The following TBC1D32 variants were observed in gnomAD, a reference collection of about 807,000 sequenced individuals.
TBC1D32 encodes the protein TBC1 domain family member 32, also known as protein broad-minded.
Under a neutral mutation model 170.3 loss-of-function variants are expected in TBC1D32, and 151 were observed. That is an observed-to-expected ratio of 0.89 (90% CI 0.78 to 1.01). The LOEUF (loss-of-function observed/expected upper bound fraction) is 1.01. Ranked by LOEUF, TBC1D32 falls within the 50% of genes least tolerant of loss-of-function variation. The probability of loss-of-function intolerance (pLI) is 0.00; values close to 1 mark genes in which losing one functional copy is unlikely to be tolerated. For synonymous variants in TBC1D32, 498 were observed against 488.0 expected (o/e 1.02, Z -0.27); for missense variants, 1,464 against 1,457.1 (o/e 1.00, Z -0.08).
chr6:121,244,373 A>G (rs1797353275), intron 17 of TBC1D32, among the ~76,000 whole-genome samples: 1 of 152,168 alleles, frequency 6.6e-6, no homozygotes, highest in Non-Finnish European at 1.5e-5. Context: ...AAGTTGTATC[A>G]TTATATGACG....
At chr6:121,265,481 C>T (rs552114528) in intron 15 of TBC1D32, among the ~76,000 whole-genome samples, 4 of 152,106 alleles carry the variant, frequency 2.6e-5, no homozygotes, top group African/African-American at 9.6e-5. Flanking sequence ...AATGGCCATA[C>T]TGCCCAAAGT....
Position 121,205,151 on chromosome 6 carries a change from T to C in TBC1D32, c.2494A>G (p.Arg832Gly), listed in dbSNP as rs763727966. 1 of 1,448,080 alleles carries C rather than the reference T, an allele frequency of 6.9e-7. No individual in the cohort carries two copies. Among genetic ancestry groups the C allele is most frequent in the South Asian group, 1.3e-5 (1 of 77,208 alleles). The allele number at this position is 1,448,080 out of a possible 1,614,324, so 89.7% of individuals were successfully genotyped here. Residue 832 changes from arginine (R) to glycine (G), a missense_variant, in exon 22 of 32, where the codon AGA becomes GGA. Coordinates refer to ENST00000398212, the MANE Select transcript of TBC1D32 (RefSeq NM_152730.6). ...GCTTCAGAATTCAAAATTATAAGTC[T>C]ATCAATAATATCCTGAAAAAGACAG... The part of the protein sequence containing the change: ...VPTCVIDIID[R>G]LIILNSEAKI...
chr6:121,136,087 A>T (rs1782041892), intron 24 of TBC1D32, among the ~76,000 whole-genome samples: 1 of 152,198 alleles, frequency 6.6e-6, no homozygotes, highest in Non-Finnish European at 1.5e-5. Context: ...CAGATACATC[A>T]ATTAACAGAT....
intron 24 of TBC1D32, among the ~76,000 whole-genome samples, chr6:121,137,714 A>G (rs978233787): frequency 2.0e-5 from 3 of 152,024 alleles, no homozygotes; most frequent in Admixed American, 2.0e-4. Flanking sequence ...AAAATGTAAG[A>G]TTATTATAGA....
At chr6:121,309,585 T>G (rs1263272804) in intron 4 of TBC1D32, among the ~76,000 whole-genome samples, 1 of 152,046 alleles carries the variant, frequency 6.6e-6, no homozygotes, top group Admixed American at 6.6e-5. Flanking sequence ...TACCAATACA[T>G]AAAAAGGCTT....
chr6:121,189,629 T>C (rs1403205422), intron 22 of TBC1D32, among the ~76,000 whole-genome samples: 1 of 152,028 alleles, frequency 6.6e-6, no homozygotes, highest in African/African-American at 2.4e-5. Context: ...GACATCTAAT[T>C]TATCATCATA....
At chr6:121,109,612 T>C (rs1779014311) in intron 29 of TBC1D32, among the ~76,000 whole-genome samples, 1 of 152,134 alleles carries the variant, frequency 6.6e-6, no homozygotes, top group Admixed American at 6.5e-5. Flanking sequence ...TCAAACTCCA[T>C]AAAGAATAAC....
intron 22 of TBC1D32, among the ~76,000 whole-genome samples, chr6:121,178,154 G>A (rs139742569): frequency 6.6e-6 from 1 of 152,246 alleles, no homozygotes; most frequent in Non-Finnish European, 1.5e-5. Context: ...CAGTATGGGG[G>A]AAACTGCGCC....
chr6:121,268,933 C>T (rs57097307), intron 15 of TBC1D32, among the ~76,000 whole-genome samples: 5 of 152,266 alleles, frequency 3.3e-5, no homozygotes, highest in African/African-American at 1.2e-4. Flanking sequence ...ACTCTGCAAG[C>T]CAGAAGAGAG....
At chr6:121,334,036 C>T (rs568820624) in intron 1 of TBC1D32, among the ~76,000 whole-genome samples, 19 of 152,182 alleles carry the variant, frequency 1.2e-4, no homozygotes, top group African/African-American at 4.6e-4. Flanking sequence ...CATTACATTC[C>T]GGCCTGGGCG....
In TBC1D32 at chr6:121,113,168, T is replaced by A; in HGVS notation, c.3063A>T (p.Lys1021Asn). 6.2e-7 allele frequency: 1 copy of A among 1,606,186 alleles called. No individual in the cohort carries two copies. The highest frequency in any genetic ancestry group is 8.5e-7 in the Non-Finnish European group (1 of 1,176,966). Residue 1021 changes from lysine to asparagine, a missense_variant, in exon 28 of 32, where the codon AAA (lysine) becomes AAT (asparagine). This residue lies in a region of TBC1D32 where 1,363 missense variants were observed against 1,338.1 expected (regional missense o/e 1.02). Transcript: ENST00000398212. ...LGIKMTVRYG[K>N]FLSLLKDGAE... Reference sequence around the variant, plus strand: ...CACCATCTTTTAAGAGACTGAGGAATTTGCCATACCTATATTAAAAGCCCA... The same window carrying A: ...CACCATCTTTTAAGAGACTGAGGAAATTGCCATACCTATATTAAAAGCCCA...
chr6:121,295,932 C>T (rs975179936), intron 10 of TBC1D32, among the ~76,000 whole-genome samples: 3 of 152,092 alleles, frequency 2.0e-5, no homozygotes, highest in African/African-American at 7.2e-5. Flanking sequence ...ATTCTGAGAA[C>T]TGAGAATGGC....
intron 15 of TBC1D32, among the ~76,000 whole-genome samples, chr6:121,269,065 G>A (rs923359216): frequency 2.6e-5 from 4 of 152,122 alleles, no homozygotes; most frequent in Admixed American, 2.0e-4. Context: ...CAAATGCTGA[G>A]AGATTTTGTC....
intron 21 of TBC1D32, among the ~76,000 whole-genome samples, chr6:121,210,646 T>G (rs1432937358): frequency 2.0e-5 from 3 of 152,126 alleles, no homozygotes; most frequent in Non-Finnish European, 2.9e-5. Flanking sequence ...GTAACTAAAA[T>G]CCTTAATAAG....
chr6:121,099,402 C>A (rs1160847171), intron 30 of TBC1D32, among the ~76,000 whole-genome samples: 1 of 151,830 alleles, frequency 6.6e-6, no homozygotes, highest in Non-Finnish European at 1.5e-5. Context: ...TTAGTAATTA[C>A]CAAAAGAAAC....
intron 11 of TBC1D32, among the ~76,000 whole-genome samples, chr6:121,292,900 T>C (rs1382429493): frequency 1.3e-5 from 2 of 151,634 alleles, no homozygotes; most frequent in Non-Finnish European, 2.9e-5. Context: ...TGACAAGGGC[T>C]TGTAATAGCT....
At chr6:121,329,491 A>G (rs527466099) in intron 1 of TBC1D32, among the ~76,000 whole-genome samples, 1 of 152,088 alleles carries the variant, frequency 6.6e-6, no homozygotes, top group Non-Finnish European at 1.5e-5. Context: ...GTCTCTACTA[A>G]AAATACAAAA....
At chr6:121,239,713 G>C (rs1354920560) in intron 19 of TBC1D32, among the ~76,000 whole-genome samples, 1 of 151,742 alleles carries the variant, frequency 6.6e-6, no homozygotes, top group Non-Finnish European at 1.5e-5. Context: ...TACAACTTTT[G>C]CTTCAACCCA....
At chr6:121,306,944 A>G (rs182570084) in intron 5 of TBC1D32, among the ~76,000 whole-genome samples, 22 of 152,324 alleles carry the variant, frequency 1.4e-4, no homozygotes, top group African/African-American at 4.8e-4. Context: ...CTTAAATACA[A>G]GAGGAAAATG....
Sources: allele counts gnomAD v4.1 joint callset (sites outside exome capture counted in the v4.1 genomes callset), GRCh38; gene constraint gnomAD v4.1.1; regional missense constraint gnomAD v4.1.1; transcripts MANE v1.5; gene names NCBI Gene and HGNC (gene_info 2026-07-23, HGNC 2026-07-21).